The following STON2 variants were observed in gnomAD, a reference collection of about 807,000 sequenced individuals.
STON2 encodes stonin 2.
Under a neutral mutation model 65.7 loss-of-function variants are expected in STON2, and 29 were observed. The ratio of observed to expected loss-of-function variants is 0.44; its 90% CI spans 0.33 to 0.60. The LOEUF is 0.60. Among genes scored for constraint, STON2 ranks in the 20% least tolerant of loss-of-function variants. The pLI, the probability that STON2 is intolerant of heterozygous loss-of-function variation, is 0.03. For missense variants in STON2, 1,054 were observed against 1,118.1 expected (o/e 0.94, Z 0.82); for synonymous variants, 404 against 414.2 (o/e 0.98, Z 0.30).
intron 3 of STON2, among the ~76,000 whole-genome samples, chr14:81,381,879 T>C (rs919176658): frequency 6.6e-6 from 1 of 152,118 alleles, no homozygotes; most frequent in Non-Finnish European, 1.5e-5. Context: ...AAAATGTTCA[T>C]AGAAAGACAA....
In STON2 at chr14:81,261,536, C is replaced by G. The variant is rs77332564; in HGVS notation, c.*6878G>C. On this transcript the variant is annotated 3_prime_UTR_variant, in exon 8 of 8. Coordinates refer to ENST00000614646, the MANE Select transcript of STON2 (RefSeq NM_001394390.1). The stretch of plus-strand genomic sequence containing the variant: ...ACAATTTGATGTTACTAAGAGACAA[C>G]GAGGATACAGAGGGGACTGTCCCTT... 5.8e-6 allele frequency: 2 copies of G among 346,596 alleles called. No homozygotes were observed. The highest frequency in any genetic ancestry group is 4.2e-5 in the African/African-American group (2 of 47,520). The allele number at this position is 346,596 out of a possible 1,614,324, so 21.5% of individuals were successfully genotyped here.
intron 2 of STON2, among the ~76,000 whole-genome samples, chr14:81,424,494 C>G (rs1901870589): frequency 3.1e-5 from 2 of 64,706 alleles, no homozygotes; most frequent in South Asian, 7.3e-4. Context: ...AGAATACACT[C>G]TCACTAAAAA....
Position 81,278,592 on chromosome 14 carries a change from A to T in STON2, c.890T>A (p.Val297Asp). The T allele has an allele frequency of 6.2e-7, 1 of 1,602,924 alleles. No homozygotes were observed. Residue 297 changes from valine (V) to aspartate (D), a missense_variant, in exon 6 of 8, where the codon GTC becomes GAC. Coordinates refer to ENST00000614646, the MANE Select transcript of STON2 (RefSeq NM_001394390.1). Reference protein sequence around the residue: ...PSWVTFDDNEVSCPLPPVTSP... With the variant: ...PSWVTFDDNEDSCPLPPVTSP... The stretch of plus-strand genomic sequence containing the variant: ...GGTGACTGGTGGTAAAGGGCAGCTG[A>T]CTTCATTGTCATCAAAGGTGACCCA...
intron 5 of STON2, among the ~76,000 whole-genome samples, chr14:81,315,173 C>G (rs960002630): frequency 6.6e-6 from 1 of 152,210 alleles, no homozygotes; most frequent in African/African-American, 2.4e-5. Context: ...TTTACTATCA[C>G]TCTATTTGCT....
intron 4 of STON2, among the ~76,000 whole-genome samples, chr14:81,349,068 C>G (rs1897925848): frequency 6.6e-6 from 1 of 152,070 alleles, no homozygotes; most frequent in South Asian, 2.1e-4. Context: ...ACCCCTATCT[C>G]TATCCATATA....
At chr14:81,431,964 T>C (rs899110611) in intron 1 of STON2, among the ~76,000 whole-genome samples, 5 of 151,972 alleles carry the variant, frequency 3.3e-5, no homozygotes, top group African/African-American at 9.7e-5. Context: ...AAAATGCATA[T>C]AGAATTTCTA....
chr14:81,355,195 A>AAGAAAG (rs1898176836), intron 4 of STON2, among the ~76,000 whole-genome samples: 1 of 152,194 alleles, frequency 6.6e-6, no homozygotes, highest in Admixed American at 6.5e-5. Context: ...CAAGAAGGAG[A>AAGAAAG]AGAAAGAGAA....
intron 3 of STON2, among the ~76,000 whole-genome samples, chr14:81,376,253 T>C (rs889822096): frequency 2.6e-5 from 4 of 151,846 alleles, no homozygotes; most frequent in East Asian, 3.9e-4. Flanking sequence ...AGAAGACTAA[T>C]AGAATTAAAA....
chr14:81,284,486 G>A (rs895948147), intron 5 of STON2, among the ~76,000 whole-genome samples: 1 of 152,206 alleles, frequency 6.6e-6, no homozygotes, highest in Admixed American at 6.5e-5. Context: ...GGAAAGAGGT[G>A]AGGAAATTGC....
rs923778754 is a variant in STON2, at chr14:81,261,032, T to C, written c.*7382A>G. On this transcript the variant is annotated 3_prime_UTR_variant, in exon 8 of 8. Transcript: ENST00000614646. ...TAAAACACTGATTTTGATTAATCTC[T>C]TGAATACGGTAGTTTTCTCCAGGTT... is the stretch of plus-strand genomic sequence containing the variant. 2 of 152,212 alleles carry C rather than the reference T, an allele frequency of 1.3e-5. No homozygotes were observed. Among genetic ancestry groups the C allele is most frequent in the Admixed American group, 1.3e-4 (2 of 15,280 alleles). 9.4% of individuals were successfully genotyped at this position (152,212 alleles called of 1,614,324 possible).
At chr14:81,333,810 T>C (rs1026008112) in intron 4 of STON2, among the ~76,000 whole-genome samples, 4 of 152,226 alleles carry the variant, frequency 2.6e-5, no homozygotes, top group Non-Finnish European at 5.9e-5. Flanking sequence ...TATAGTTATA[T>C]TTTTCATTTT....
chr14:81,319,038 G>A (rs1896728123), intron 5 of STON2, among the ~76,000 whole-genome samples: 2 of 152,196 alleles, frequency 1.3e-5, no homozygotes, highest in African/African-American at 4.8e-5. Context: ...ACATGCTAAA[G>A]GTAGCGGCTG....
chr14:81,352,869 C>G (rs1388201896), intron 4 of STON2, among the ~76,000 whole-genome samples: 2 of 152,188 alleles, frequency 1.3e-5, no homozygotes, highest in Non-Finnish European at 2.9e-5. Context: ...TTTTGGAACA[C>G]AGCATCTTAA....
rs746252728 is a variant in STON2, at chr14:81,277,730, C to G, written c.1752G>C (p.Val584=). 6.2e-7 allele frequency: 1 copy of G among 1,614,138 alleles called. No homozygotes were observed. The highest frequency in any genetic ancestry group is 8.5e-7 in the Non-Finnish European group (1 of 1,180,022). ...AVAHTAEREQ[V]IKLGTTNYDD... ...CGTAATTGGTGGTGCCCAGCTTAAT[C>G]ACCTGTTCCCTCTCTGCTGTGTGGG... The change falls in exon 6 of 8, where the codon GTG becomes GTC. Residue 584 remains valine (V), a synonymous_variant. Transcript: ENST00000614646.
chr14:81,404,290 T>C (rs1421103901), upstream of STON2, among the ~76,000 whole-genome samples: 1 of 152,186 alleles, frequency 6.6e-6, no homozygotes, highest in East Asian at 1.9e-4. Context: ...TCTGAATGAG[T>C]TGTTCCTTAA....
chr14:81,411,239 G>A (rs568412981), intron 2 of STON2, among the ~76,000 whole-genome samples: 25 of 152,282 alleles, frequency 1.6e-4, no homozygotes, highest in Admixed American at 1.2e-3. Flanking sequence ...AGTGAGGGAT[G>A]TTAACATTTT....
Position 81,417,622 on chromosome 14 carries a change from G to A in STON2, c.-199+9480C>T, listed in dbSNP as rs926541273. Among the ~76,000 whole-genome samples the A allele has an allele frequency of 2.3e-4, 35 of 152,268 alleles. No homozygotes were observed. The East Asian group carries it at 2.7e-3, about 12-fold the overall frequency. On this transcript the variant is annotated intron_variant, in intron 2 of 8. Coordinates refer to the STON2 transcript ENST00000553821. ...TAATTGGAGACAGGATAGGAAATAC[G>A]TTTTTGGGATATGTTGAGATGCAAA...
At chr14:81,275,212 G>A (rs1333552618) in intron 6 of STON2, among the ~76,000 whole-genome samples, 5 of 152,002 alleles carry the variant, frequency 3.3e-5, no homozygotes, top group Non-Finnish European at 5.9e-5. Context: ...AAATAGATAC[G>A]TTTGTACATA....
At chr14:81,344,327 C>G (rs1289241372) in intron 4 of STON2, among the ~76,000 whole-genome samples, 5 of 152,094 alleles carry the variant, frequency 3.3e-5, no homozygotes, top group Non-Finnish European at 7.3e-5. Flanking sequence ...TAGATAACCA[C>G]TATTAGCAGT....
Sources: allele counts gnomAD v4.1 joint callset (sites outside exome capture counted in the v4.1 genomes callset), GRCh38; gene constraint gnomAD v4.1.1; transcripts MANE v1.5; gene names NCBI Gene and HGNC (gene_info 2026-07-23, HGNC 2026-07-21).